The following DIAPH2 variants were observed in gnomAD, a reference collection of about 807,000 sequenced individuals.
DIAPH2 encodes diaphanous related formin 2.
Under a neutral mutation model 92.7 loss-of-function variants are expected in DIAPH2, and 35 were observed. That is an observed-to-expected ratio of 0.38 (90% CI 0.29 to 0.50). DIAPH2 has a LOEUF of 0.50. DIAPH2 is among the 20% of genes least tolerant of loss of function. The pLI, the probability that DIAPH2 is intolerant of heterozygous loss-of-function variation, is 0.94. For synonymous variants in DIAPH2, 301 were observed against 280.4 expected, an observed-to-expected ratio of 1.07 and a Z score of -0.73; for missense variants, 701 against 819.5, an observed-to-expected ratio of 0.86 and a Z score of 1.77.
At chrX:97,222,165 A>G (rs776611973) in intron 22 of DIAPH2, among the ~76,000 whole-genome samples, 160 of 103,695 alleles carry the variant, frequency 1.5e-3, no homozygotes, top group African/African-American at 6.0e-3. Flanking sequence ...GTATAAAGGG[A>G]GGGTCTAGAT....
intron 23 of DIAPH2, among the ~76,000 whole-genome samples, chrX:97,285,052 G>A (rs1283039197): frequency 9.0e-6 from 1 of 111,508 alleles, no homozygotes; most frequent in Non-Finnish European, 1.9e-5. Context: ...ATAAAACAAT[G>A]AAAAACAGTA....
intron 23 of DIAPH2, among the ~76,000 whole-genome samples, chrX:97,316,221 C>A (rs1296257798): frequency 9.0e-6 from 1 of 111,050 alleles, no homozygotes; most frequent in Non-Finnish European, 1.9e-5. Context: ...AATATCATTT[C>A]CTAAATATGC....
chrX:97,446,734 T>C (rs1210257003), intron 26 of DIAPH2, among the ~76,000 whole-genome samples: 1 of 110,839 alleles, frequency 9.0e-6, no homozygotes, highest in African/African-American at 3.3e-5. Context: ...GTGTGGTTTT[T>C]TTAAACCAAA....
At chrX:97,228,090 G>A (rs149929309) in intron 22 of DIAPH2, among the ~76,000 whole-genome samples, 1,452 of 110,511 alleles carry the variant, frequency 0.013, 33 homozygotes, top group African/African-American at 0.045. Flanking sequence ...TCATAGAGCC[G>A]AGCTCTCACT....
chrX:96,932,434 C>G (rs1349741209), intron 10 of DIAPH2, among the ~76,000 whole-genome samples: 1 of 110,417 alleles, frequency 9.1e-6, no homozygotes, highest in East Asian at 2.8e-4. Flanking sequence ...TAGCTCTTGT[C>G]CTTAACCTTT....
chrX:96,806,246 A>G (rs2064623510), intron 4 of DIAPH2, among the ~76,000 whole-genome samples: 1 of 112,082 alleles, frequency 8.9e-6, no homozygotes, highest in Non-Finnish European at 1.9e-5. Context: ...CCTTTTACTT[A>G]TATGTAATTT....
intron 26 of DIAPH2, among the ~76,000 whole-genome samples, chrX:97,506,451 CTT>C (rs34941076): frequency 0.037 from 2,060 of 55,478 alleles, 54 homozygotes; most frequent in African/African-American, 0.095. Flanking sequence ...ATGCCCAGCC[CTT>C]TTTTTTTTTT....
rs142971209 is a variant in DIAPH2 at position 97,058,990 on chromosome X, C to A, written c.2051-13951C>A. On this transcript the variant is annotated intron_variant, in intron 17 of 26. Coordinates refer to ENST00000324765, the MANE Select transcript of DIAPH2 (RefSeq NM_006729.5). Reference sequence around the variant, plus strand: ...ATGTAGTGGTAATTAGAGAAGATTTCATAGAGAAAGTGACATTTGACTTCG... The same window carrying A: ...ATGTAGTGGTAATTAGAGAAGATTTAATAGAGAAAGTGACATTTGACTTCG... Among the ~76,000 whole-genome samples, 384 of 111,752 alleles carry A rather than the reference C, an allele frequency of 3.4e-3. 3 individuals carry two copies. Among genetic ancestry groups the A allele is most frequent in the African/African-American group, 0.012 (378 of 30,853 alleles).
Position 97,600,372 on chromosome X carries a change from A to G in DIAPH2, c.*1055A>G, listed in dbSNP as rs1015843596. ...TATCTCCCTTTCCACTCTCTTTCCA[A>G]TTTCACTTTGGTGGTCTGAAGAAGA... On this transcript the variant is annotated 3_prime_UTR_variant, in exon 27 of 27. Transcript: ENST00000324765. The G allele has an allele frequency of 8.9e-6, 1 of 112,154 alleles. No individual in the cohort carries two copies. The highest frequency in any genetic ancestry group is 3.3e-5 in the African/African-American group (1 of 30,675). 9.2% of individuals were successfully genotyped at this position (112,154 alleles called of 1,213,427 possible).
intron 16 of DIAPH2, among the ~76,000 whole-genome samples, chrX:96,962,668 T>C (rs776373093): frequency 3.7e-5 from 4 of 107,319 alleles, no homozygotes; most frequent in Non-Finnish European, 7.7e-5. Flanking sequence ...AATATGTTTC[T>C]TGTTGGAAGC....
intron 17 of DIAPH2, among the ~76,000 whole-genome samples, chrX:96,973,924 A>C (rs144294897): frequency 0.04 from 4,367 of 110,357 alleles, 105 homozygotes; most frequent in Middle Eastern, 0.081. Context: ...CGAACTCCCG[A>C]CCTCAGGTGA....
intron 3 of DIAPH2, among the ~76,000 whole-genome samples, chrX:96,745,462 A>G: frequency 8.9e-6 from 1 of 112,448 alleles, no homozygotes; most frequent in Non-Finnish European, 1.9e-5. Context: ...TTAACAAAAG[A>G]TAATATTCAA....
chrX:97,096,186 T>C (rs1036289759), intron 19 of DIAPH2, among the ~76,000 whole-genome samples: 10 of 112,517 alleles, frequency 8.9e-5, no homozygotes, highest in Non-Finnish European at 1.1e-4. Flanking sequence ...AGTTTTTCAC[T>C]TATAGCGAGC....
intron 21 of DIAPH2, among the ~76,000 whole-genome samples, chrX:97,126,782 A>G (rs2067096960): frequency 8.9e-6 from 1 of 112,745 alleles, no homozygotes; most frequent in Non-Finnish European, 1.9e-5. Flanking sequence ...CTTCTTTGGA[A>G]AGGAAGGAAA....
chrX:96,785,991 G>A (rs2064453963), intron 4 of DIAPH2, among the ~76,000 whole-genome samples: 1 of 111,751 alleles, frequency 8.9e-6, no homozygotes, highest in South Asian at 3.8e-4. Context: ...TGGAGCAAAT[G>A]GAAGAGCAGA....
intron 25 of DIAPH2, among the ~76,000 whole-genome samples, chrX:97,393,857 T>A (rs2069681698): frequency 8.9e-6 from 1 of 111,927 alleles, no homozygotes; most frequent in African/African-American, 3.2e-5. Context: ...AGAGTTTTAC[T>A]CCTCCTTGTA....
intron 26 of DIAPH2, among the ~76,000 whole-genome samples, chrX:97,468,641 A>G (rs890650798): frequency 6.0e-3 from 266 of 44,288 alleles, no homozygotes; most frequent in Non-Finnish European, 0.017. Flanking sequence ...TCTTTGTGAA[A>G]AAAAAAAAAA....
At chrX:97,162,226 T>C (rs961089866) in intron 22 of DIAPH2, among the ~76,000 whole-genome samples, 3 of 111,054 alleles carry the variant, frequency 2.7e-5, no homozygotes, top group Non-Finnish European at 5.7e-5. Flanking sequence ...TATAGTGTGG[T>C]GGTTAAAAGC....
In DIAPH2 at chrX:96,791,913, T is replaced by A. The variant is rs183602458; in HGVS notation, c.447+33655T>A. ...GAGAAGTTAACTAACTTACCCAGGG[T>A]TAGTTGTGCCTGATGCTCAACCCTG... On this transcript the variant is annotated intron_variant, in intron 4 of 26. Transcript: ENST00000324765. Among the ~76,000 whole-genome samples, 57 of 111,082 alleles carry A rather than the reference T, an allele frequency of 5.1e-4. No homozygotes were observed. In the South Asian group the frequency reaches 9.2e-3, roughly 18 times the overall value.
Sources: gnomAD v4.1 joint callset for allele counts (sites outside exome capture counted in the v4.1 genomes callset) on GRCh38, gnomAD v4.1.1 for gene constraint, MANE v1.5 for transcripts, NCBI Gene and HGNC (gene_info 2026-07-23, HGNC 2026-07-21) for gene names.